Variants in LRRC43 observed in about 807,000 individuals in gnomAD.
The protein encoded by LRRC43 is leucine rich repeat containing 43.
Under a neutral mutation model 64.3 loss-of-function variants are expected in LRRC43, and 62 were observed. The ratio of observed to expected loss-of-function variants is 0.96; its 90% confidence interval spans 0.79 to 1.19. The LOEUF (loss-of-function observed/expected upper bound fraction) is 1.19. Ranked by LOEUF, LRRC43 falls within the 50% of genes most tolerant of loss-of-function variation. LRRC43 has a pLI of 0.00. For missense variants in LRRC43, 868 were observed against 845.0 expected (o/e 1.03, Z -0.34); for synonymous variants, 422 against 382.3 (o/e 1.10, Z -1.21).
intron 7 of LRRC43, among the ~76,000 whole-genome samples, chr12:122,195,986 G>A (rs920360051): frequency 2.0e-5 from 3 of 152,142 alleles, no homozygotes; most frequent in Non-Finnish European, 4.4e-5. Context: ...CGCCCATGAG[G>A]TTGCCTAAAG....
chr12:122,190,812 G>A (rs559147752), intron 5 of LRRC43, among the ~76,000 whole-genome samples: 7 of 150,664 alleles, frequency 4.6e-5, no homozygotes, highest in African/African-American at 9.8e-5. Flanking sequence ...GCAGTGAGCC[G>A]AGATGACACC....
chr12:122,169,883 A>G (rs1320091562), intron 1 of LRRC43, among the ~76,000 whole-genome samples: 2 of 151,864 alleles, frequency 1.3e-5, no homozygotes, highest in East Asian at 3.9e-4. Context: ...ATCTTGGCTC[A>G]CTGCAACCTC....
chr12:122,175,305 G>A (rs915710296), intron 1 of LRRC43, among the ~76,000 whole-genome samples: 1 of 151,778 alleles, frequency 6.6e-6, no homozygotes, highest in Non-Finnish European at 1.5e-5. Context: ...GAGTGGCTGG[G>A]ATTACAGGCG....
chr12:122,172,803 T>A, intron 1 of LRRC43: 1 of 1,308,328 alleles, frequency 7.6e-7, no homozygotes, highest in Non-Finnish European at 1.1e-6. Flanking sequence ...GTCTTAACAG[T>A]GAATGTTTGC....
At chr12:122,190,062 G>C in intron 4 of LRRC43, 68 bp from the exon 5 acceptor site, 1 of 1,289,062 alleles carries the variant, frequency 7.8e-7, no homozygotes, top group Non-Finnish European at 1.1e-6. Context: ...CGTCCGTTTT[G>C]GCCACAGGCT....
At chr12:122,172,876 G>T in intron 1 of LRRC43, 1 of 726,274 alleles carries the variant, frequency 1.4e-6, no homozygotes, top group Non-Finnish European at 2.3e-6. Context: ...ACCCTATGAG[G>T]CTGTGCCATC....
upstream of LRRC43, among the ~76,000 whole-genome samples, chr12:122,178,160 G>A (rs1953553402): frequency 6.6e-6 from 1 of 151,890 alleles, no homozygotes; most frequent in Non-Finnish European, 1.5e-5. Flanking sequence ...TTAAACTGCT[G>A]TTTGTGATAT....
chr12:122,196,717 C>T (rs934328140), intron 7 of LRRC43, among the ~76,000 whole-genome samples: 3 of 151,094 alleles, frequency 2.0e-5, no homozygotes, highest in African/African-American at 7.3e-5. Flanking sequence ...GGCAGTGAGC[C>T]GAGATTGCAC....
Position 122,200,485 on chromosome 12 carries a change from A to T in LRRC43, c.1492-47A>T. 5 of 1,611,808 alleles carry T rather than the reference A, an allele frequency of 3.1e-6. No individual in the cohort carries two copies. Among genetic ancestry groups the T allele is most frequent in the Non-Finnish European group, 4.2e-6 (5 of 1,178,092 alleles). On this transcript the variant is annotated intron_variant, in intron 8 of 11. Coordinates refer to ENST00000339777, the MANE Select transcript of LRRC43 (RefSeq NM_001098519.2). The surrounding 1 kb of genome is among the most constrained non-coding windows in gnomAD (Gnocchi z 4.6). ...GGGTGAGGGAGAGGTGACCCCAGGC[A>T]GCCCGCCTGGGCCTCTGCTCACTCG...
chr12:122,172,860 G>T, intron 1 of LRRC43: 1 of 790,132 alleles, frequency 1.3e-6, no homozygotes, highest in Non-Finnish European at 2.0e-6. Flanking sequence ...TCTGATCAAT[G>T]TCACAACCCT....
Position 122,177,319 on chromosome 12 carries a change from A to G in LRRC43, c.-405-7200A>G, listed in dbSNP as rs75726687. Reference sequence around the variant, plus strand: ...GCAGCGTGGAAAGCACGAGAAGGAAATAATTTGGTCAATAACCACTGAGCT... The same window carrying G: ...GCAGCGTGGAAAGCACGAGAAGGAAGTAATTTGGTCAATAACCACTGAGCT... On this transcript the variant is annotated intron_variant, in intron 1 of 5. Transcript: ENST00000537729. 2.6e-4 allele frequency among the ~76,000 whole-genome samples: 40 copies of G among 152,264 alleles called. No homozygotes were observed. The East Asian group carries it at 6.2e-3, about 23-fold the overall frequency.
intron 1 of LRRC43, among the ~76,000 whole-genome samples, chr12:122,177,749 G>A (rs1320956264): frequency 6.6e-6 from 1 of 151,928 alleles, no homozygotes; most frequent in African/African-American, 2.4e-5. Flanking sequence ...AAGCAGTCCT[G>A]CCTCACCTTC....
intron 1 of LRRC43, among the ~76,000 whole-genome samples, chr12:122,183,665 G>A (rs1001966077): frequency 6.6e-6 from 1 of 152,198 alleles, no homozygotes; most frequent in South Asian, 2.1e-4. Context: ...GGCAGTGTGA[G>A]AGGTGGCTCA....
intron 11 of LRRC43, among the ~76,000 whole-genome samples, chr12:122,201,634 C>T (rs1372596238): frequency 6.6e-6 from 1 of 152,192 alleles, no homozygotes; most frequent in Admixed American, 6.5e-5. Context: ...AGCTTCAGGC[C>T]ATCGGCCCTT....
In LRRC43 at chr12:122,184,730, A is replaced by T; in HGVS notation, c.362A>T (p.Asp121Val). ...LAIRNPLTIT[D>V]TFFYSYFRSL... is the part of the protein sequence containing the mutation. ...ATCCGGAACCCGCTGACGATCACAGACACCTTCTTCTACTCCTACTTCCGG... is the reference window on the plus strand; with the variant it reads ...ATCCGGAACCCGCTGACGATCACAGTCACCTTCTTCTACTCCTACTTCCGG... The change falls in exon 2 of 12, where the codon GAC becomes GTC. Residue 121 changes from aspartate to valine, a missense_variant. Physicochemically the swap from Asp to Val is radical, Grantham distance 152 (BLOSUM62 -3). Transcript: ENST00000339777. This position sits in a 1 kb window ranked among gnomAD's most constrained non-coding sequence, Gnocchi z 4.0. 1 of 1,613,226 alleles carries T rather than the reference A, an allele frequency of 6.2e-7. No individual in the cohort carries two copies. The highest frequency in any genetic ancestry group is 8.5e-7 in the Non-Finnish European group (1 of 1,179,586).
intron 1 of LRRC43, chr12:122,172,271 G>T: frequency 1.6e-6 from 1 of 636,014 alleles, no homozygotes; most frequent in Non-Finnish European, 2.8e-6. Context: ...GCCCTCCCGG[G>T]ACTAGCCCAT....
At chr12:122,199,521 A>T (rs1953810444) in intron 7 of LRRC43, among the ~76,000 whole-genome samples, 2 of 151,012 alleles carry the variant, frequency 1.3e-5, no homozygotes, top group Admixed American at 1.3e-4. Context: ...TGACCTCGTG[A>T]TCTGCCTGCC....
intron 6 of LRRC43, 54 bp from the exon 7 acceptor site, chr12:122,192,691 C>CT: frequency 6.3e-7 from 1 of 1,594,486 alleles, no homozygotes; most frequent in East Asian, 2.2e-5. Context: ...CCGGCATCAG[C>CT]TGAGCACATC....
chr12:122,174,077 C>G (rs1953515002), intron 1 of LRRC43: 1 of 1,613,806 alleles, frequency 6.2e-7, no homozygotes, highest in Non-Finnish European at 8.5e-7. Flanking sequence ...CTGAGCCAAC[C>G]CTGGGGGTAG....
Sources: gnomAD v4.1 joint callset for allele counts (sites outside exome capture counted in the v4.1 genomes callset) on GRCh38, gnomAD v4.1.1 for gene constraint, Gnocchi (gnomAD v3.1) non-coding constraint, MANE v1.5 for transcripts, NCBI Gene and HGNC (gene_info 2026-07-23, HGNC 2026-07-21) for gene names.